SAMD12: variants seen among roughly 807,000 people sequenced by gnomAD.
SAMD12 encodes the protein sterile alpha motif domain containing 12.
SAMD12 carries 9 observed loss-of-function variants against 15.0 expected under a neutral mutation model. That is an observed-to-expected ratio of 0.60 (90% confidence interval 0.36 to 1.05). The LOEUF is 1.05. Among genes scored for constraint, SAMD12 ranks in the 50% least tolerant of loss-of-function variants. The probability of loss-of-function intolerance (pLI) is 0.01; values close to 1 mark genes in which losing one functional copy is unlikely to be tolerated. For synonymous variants in SAMD12, 86 were observed against 90.1 expected (o/e 0.96, Z 0.25); for missense variants, 230 against 234.2 (o/e 0.98, Z 0.12).
At chr8:118,173,307 T>C in the SAMD12 span, among the ~76,000 whole-genome samples, 1 of 151,954 alleles carries the variant, frequency 6.6e-6, no homozygotes, top group Non-Finnish European at 1.5e-5. Flanking sequence ...GCCGCTGTAA[T>C]GGGCTGACTG....
chr8:118,244,725 T>C (rs971100758), intron 4 of SAMD12, among the ~76,000 whole-genome samples: 2 of 152,194 alleles, frequency 1.3e-5, no homozygotes, highest in African/African-American at 4.8e-5. Context: ...ACCATAAAAG[T>C]TGATGATAAA....
chr8:118,379,131 T>C lies in SAMD12; in HGVS notation c.*286A>G, dbSNP rs1482275480. On this transcript the variant is annotated 3_prime_UTR_variant, in exon 4 of 4. Transcript: ENST00000314727. ...CACTTATATCACTGGTCATCGTAACTATTGAATCACTCAAATGCTAAAGCG... is the reference window on the plus strand; with the variant it reads ...CACTTATATCACTGGTCATCGTAACCATTGAATCACTCAAATGCTAAAGCG... 1 of 1,164,706 alleles carries C rather than the reference T, an allele frequency of 8.6e-7. No individual in the cohort carries two copies. The highest frequency in any genetic ancestry group is 1.1e-6 in the Non-Finnish European group (1 of 940,638). The allele number at this position is 1,164,706 out of a possible 1,614,324, so 72.1% of individuals were successfully genotyped here. A position where few individuals can be genotyped will look rare whatever the true frequency, so the allele number is the denominator to read the frequency against.
intron 4 of SAMD12, among the ~76,000 whole-genome samples, chr8:118,256,169 G>C (rs111254818): frequency 0.032 from 4,832 of 152,158 alleles, 244 homozygotes; most frequent in African/African-American, 0.11. Flanking sequence ...AGAAGTGTCT[G>C]TTCATGTCCT....
rs755687640 is a variant in SAMD12 at position 118,379,421 on chromosome 8, A to T, written c.602T>A (p.Ile201Asn). The T allele has an allele frequency of 4.2e-5, 68 of 1,612,788 alleles. No homozygotes were observed. The highest frequency in any genetic ancestry group is 2.0e-4 in the South Asian group (18 of 91,014). The change falls in exon 4 of 4, where the codon ATT becomes AAT. Residue 201 changes from isoleucine (I) to asparagine (N), a missense_variant. Physicochemically the swap from Ile to Asn is moderately radical, Grantham distance 149. Coordinates refer to ENST00000314727, the MANE Select transcript of SAMD12 (RefSeq NM_207506.3). ...AGTTTTCAAAGGGAAGTAATCTTAA[A>T]TCTGTATACTATTTTCTATGATGGA... is the stretch of plus-strand genomic sequence containing the variant. ...RISIIENSIQ[I>N]
intron 2 of SAMD12, among the ~76,000 whole-genome samples, chr8:118,524,841 T>C (rs1482205390): frequency 6.6e-6 from 1 of 152,196 alleles, no homozygotes; most frequent in Admixed American, 6.5e-5. Flanking sequence ...GCCCACCTCC[T>C]ACACTGCCAT....
the SAMD12 span, among the ~76,000 whole-genome samples, chr8:118,161,128 A>AT: frequency 5.9e-5 from 9 of 152,068 alleles, no homozygotes; most frequent in African/African-American, 1.9e-4. Flanking sequence ...TGAACTCATC[A>AT]TTTTTTATGG....
intron 3 of SAMD12, among the ~76,000 whole-genome samples, chr8:118,422,289 G>C (rs1822032843): frequency 6.6e-6 from 1 of 152,202 alleles, no homozygotes; most frequent in Non-Finnish European, 1.5e-5. Flanking sequence ...GGGCTGGTGG[G>C]AGGGAGATAA....
intron 4 of SAMD12, among the ~76,000 whole-genome samples, chr8:118,254,851 T>C (rs1812896265): frequency 6.6e-6 from 1 of 152,032 alleles, no homozygotes; most frequent in South Asian, 2.1e-4. Context: ...TGATTTCACC[T>C]CTCTACTTGC....
intron 2 of SAMD12, among the ~76,000 whole-genome samples, chr8:118,470,662 T>C (rs987779869): frequency 1.3e-5 from 2 of 152,220 alleles, no homozygotes; most frequent in Non-Finnish European, 2.9e-5. Context: ...GTAGGGTATA[T>C]TATTTATCAT....
At chr8:118,210,243 G>C (rs903704882) in intron 4 of SAMD12, among the ~76,000 whole-genome samples, 6 of 152,162 alleles carry the variant, frequency 3.9e-5, no homozygotes, top group Non-Finnish European at 8.8e-5. Flanking sequence ...TTTAAGCCTC[G>C]TAACAGCTTT....
At chr8:118,144,783 A>G in the SAMD12 span, among the ~76,000 whole-genome samples, 1 of 152,128 alleles carries the variant, frequency 6.6e-6, no homozygotes, top group African/African-American at 2.4e-5. Flanking sequence ...GGTGAGAAAA[A>G]CGAGGATGCG....
intron 1 of SAMD12, among the ~76,000 whole-genome samples, chr8:118,589,891 GA>G (rs1167312508): frequency 6.6e-6 from 1 of 152,082 alleles, no homozygotes; most frequent in Non-Finnish European, 1.5e-5. Flanking sequence ...CAGGGAAGAA[GA>G]AATAGACATA....
the SAMD12 span, among the ~76,000 whole-genome samples, chr8:118,180,064 TCAGTGCC>T: frequency 6.6e-6 from 1 of 152,356 alleles, no homozygotes; most frequent in East Asian, 1.9e-4. Flanking sequence ...TCGGCCGGAC[TCAGTGCC>T]CAGTAGACGG....
intron 2 of SAMD12, among the ~76,000 whole-genome samples, chr8:118,469,525 A>ATTTTATATAATTT (rs376552418): frequency 7.8e-4 from 1 of 1,280 alleles, no homozygotes; most frequent in African/African-American, 2.6e-3. Flanking sequence ...TAATATATAT[A>ATTTTATATAATTT]ATATATTATA....
In SAMD12 at chr8:118,597,490, T is replaced by C. The variant is rs142894436; in HGVS notation, c.14-16597A>G. Among the ~76,000 whole-genome samples the C allele has an allele frequency of 8.5e-5, 13 of 152,296 alleles. No individual in the cohort carries two copies. The East Asian group carries it at 1.5e-3, about 18-fold the overall frequency. On this transcript the variant is annotated intron_variant, in intron 1 of 3. Transcript: ENST00000314727. ...CCCTTCAAACACATGACCTAGACATTTCAGAGACAGGATGAGAGAAAAGCA... is the reference window on the plus strand; with the variant it reads ...CCCTTCAAACACATGACCTAGACATCTCAGAGACAGGATGAGAGAAAAGCA...
chr8:118,338,508 G>A (rs7835458), intron 4 of SAMD12, among the ~76,000 whole-genome samples: 98 of 152,270 alleles, frequency 6.4e-4, no homozygotes, highest in African/African-American at 2.2e-3. Flanking sequence ...TAAAATGAAC[G>A]CTGATAAAGA....
At chr8:118,532,177 T>C (rs893337004) in intron 2 of SAMD12, among the ~76,000 whole-genome samples, 2 of 152,246 alleles carry the variant, frequency 1.3e-5, no homozygotes, top group Non-Finnish European at 2.9e-5. Context: ...AGGCCTTTTC[T>C]GCATCTATTG....
chr8:118,539,824 G>A (rs1825941343), intron 2 of SAMD12, among the ~76,000 whole-genome samples: 1 of 152,158 alleles, frequency 6.6e-6, no homozygotes, highest in Non-Finnish European at 1.5e-5. Flanking sequence ...GAAGCCAGTA[G>A]CAGGGATGAA....
intron 2 of SAMD12, among the ~76,000 whole-genome samples, chr8:118,500,149 G>A (rs1824744311): frequency 7.4e-6 from 1 of 135,850 alleles, no homozygotes; most frequent in Non-Finnish European, 1.5e-5. Context: ...CGCGATCTTG[G>A]CTCACTGCAA....
Sources: gnomAD v4.1 joint callset for allele counts (sites outside exome capture counted in the v4.1 genomes callset) on GRCh38, gnomAD v4.1.1 for gene constraint, MANE v1.5 for transcripts, NCBI Gene and HGNC (gene_info 2026-07-23, HGNC 2026-07-21) for gene names.